KAT14: variants seen among roughly 807,000 people sequenced by gnomAD.
KAT14 encodes the protein lysine acetyltransferase 14.
In KAT14, 66 loss-of-function variants were observed where a neutral mutation model predicts 78.4. The observed-to-expected ratio is 0.84, with a 90% CI of 0.69 to 1.03. The LOEUF is 1.03. Among genes scored for constraint, KAT14 ranks in the 50% least tolerant of loss-of-function variants. The pLI is 0.00. For synonymous variants in KAT14, 344 were observed against 359.4 expected (o/e 0.96, Z 0.48); for missense variants, 870 against 972.5 (o/e 0.89, Z 1.40).
intron 7 of KAT14, among the ~76,000 whole-genome samples, chr20:18,173,303 G>T (rs139420548): frequency 3.9e-5 from 6 of 152,330 alleles, no homozygotes; most frequent in Non-Finnish European, 8.8e-5. Flanking sequence ...GGGCTTTCCC[G>T]CCTTGATGCT....
Position 18,184,926 on chromosome 20 carries a change from G to C in KAT14, c.2172+134G>C, listed in dbSNP as rs114756243. On this transcript the variant is annotated intron_variant, in intron 10 of 10. Transcript: ENST00000688188. ...TTTCCTTGTAAACCAAGTGAAGAAA[G>C]CCAGTCATCAGCATTCATGAGGTTA... 5.7e-3 allele frequency: 5,326 copies of C among 934,266 alleles called. 230 individuals carry two copies. The African/African-American group carries it at 0.083, about 15-fold the overall frequency. The allele number at this position is 934,266 out of a possible 1,614,324, so 57.9% of individuals were successfully genotyped here.
chr20:18,170,986 A>T (rs1371070258), intron 7 of KAT14, among the ~76,000 whole-genome samples: 2 of 152,250 alleles, frequency 1.3e-5, no homozygotes, highest in Non-Finnish European at 2.9e-5. Flanking sequence ...AGTAATTTTG[A>T]CTTTCAAGTC....
intron 7 of KAT14, among the ~76,000 whole-genome samples, chr20:18,168,587 C>T (rs2038742451): frequency 6.6e-6 from 1 of 152,018 alleles, no homozygotes; most frequent in African/African-American, 2.4e-5. Flanking sequence ...TTTATTCTCC[C>T]ATCTCCTAAA....
intron 9 of KAT14, among the ~76,000 whole-genome samples, chr20:18,184,333 C>G (rs1240129012): frequency 6.6e-5 from 10 of 152,156 alleles, no homozygotes. Context: ...AGTTCAAAGC[C>G]AGCTGTGTCC....
Position 18,162,408 on chromosome 20 carries a change from A to G in KAT14, c.1131A>G (p.Ile377Met), listed in dbSNP as rs769620752. The part of the protein sequence containing the change: ...DDDEMEGDGV[I>M]DPGMEYVPPP... ...ATGAGATGGAAGGCGATGGAGTCAT[A>G]GACCCAGGGATGGAGTACGTCCCAC... The change falls in exon 7 of 11, where the codon ATA (isoleucine) becomes ATG (methionine). Residue 377 changes from isoleucine to methionine, a missense_variant. By Grantham distance (10) the Ile-to-Met change is conservative (BLOSUM62 1). Transcript: ENST00000688188. 2.5e-6 allele frequency: 4 copies of G among 1,613,670 alleles called. No individual in the cohort carries two copies. The African/African-American group carries it at 4.0e-5, about 16-fold the overall frequency.
chr20:18,161,420 A>G (rs545914684), intron 5 of KAT14, among the ~76,000 whole-genome samples: 3 of 152,254 alleles, frequency 2.0e-5, no homozygotes, highest in South Asian at 4.1e-4. Flanking sequence ...AATTTGCAGT[A>G]TAACTTCTTT....
Position 18,150,946 on chromosome 20 carries a change from A to C in KAT14, c.500+4A>C, listed in dbSNP as rs1241102009. ...GGACTTTTTTACTAGGGAATAGGTA[A>C]TGTGTTTTTAAAAAATCTTATACTT... On this transcript the variant is annotated splice_donor_region_variant and intron_variant, in intron 4 of 10. Coordinates refer to ENST00000688188, the MANE Select transcript of KAT14 (RefSeq NM_001392073.1). 1 of 1,613,466 alleles carries C rather than the reference A, an allele frequency of 6.2e-7. No individual in the cohort carries two copies. The highest frequency in any genetic ancestry group is 1.7e-5 in the Admixed American group (1 of 59,942).
Position 18,159,083 on chromosome 20 carries a change from G to A in KAT14, c.501-1G>A. 6.3e-7 allele frequency: 1 copy of A among 1,594,998 alleles called. No individual in the cohort carries two copies. ...CATTTTTAAATTCTTGGACTCTTTAGGAAAAAGACGTCTACCTGGTGGAGC... is the reference window on the plus strand; with the variant it reads ...CATTTTTAAATTCTTGGACTCTTTAAGAAAAAGACGTCTACCTGGTGGAGC... On this transcript the variant is annotated splice_acceptor_variant, in intron 4 of 10. Coordinates refer to ENST00000688188, the MANE Select transcript of KAT14 (RefSeq NM_001392073.1). LOFTEE classifies it high-confidence loss of function.
chr20:18,140,928 G>C (rs981414981), intron 1 of KAT14, among the ~76,000 whole-genome samples: 5 of 148,766 alleles, frequency 3.4e-5, no homozygotes, highest in Admixed American at 6.7e-5. Flanking sequence ...CACAATCTTA[G>C]CTCACTGCAG....
chr20:18,137,960 C>G lies in KAT14; in HGVS notation c.-545C>G, dbSNP rs1207079914. On this transcript the variant is annotated 5_prime_UTR_variant, in exon 1 of 11. Transcript: ENST00000688188. ...GCCGCGGCCGCCAGCGTGGGGATGTCTAGGAGCTCGAAGGTGGTGCTGGGC... is the reference window on the plus strand; with the variant it reads ...GCCGCGGCCGCCAGCGTGGGGATGTGTAGGAGCTCGAAGGTGGTGCTGGGC... 2 of 1,493,684 alleles carry G rather than the reference C, an allele frequency of 1.3e-6. No homozygotes were observed. The highest frequency in any genetic ancestry group is 4.5e-5 in the Admixed American group (2 of 44,578). 92.5% of individuals were successfully genotyped at this position (1,493,684 alleles called of 1,614,324 possible). A position where few individuals can be genotyped will look rare whatever the true frequency, so the allele number is the denominator to read the frequency against.
chr20:18,170,201 A>G (rs1416506947), intron 7 of KAT14, among the ~76,000 whole-genome samples: 1 of 152,228 alleles, frequency 6.6e-6, no homozygotes, highest in African/African-American at 2.4e-5. Context: ...AAGTGGCTAC[A>G]CTAAGCAAGA....
intron 7 of KAT14, among the ~76,000 whole-genome samples, chr20:18,166,732 C>T (rs1019882253): frequency 2.6e-5 from 4 of 152,108 alleles, no homozygotes; most frequent in Non-Finnish European, 5.9e-5. Flanking sequence ...TTCCTGTGGC[C>T]CATCTTTACC....
At chr20:18,145,143 A>G (rs2037777356) in intron 2 of KAT14, 90 bp from the exon 3 acceptor site, 1 of 1,489,314 alleles carries the variant, frequency 6.7e-7, no homozygotes, top group Non-Finnish European at 8.9e-7. Flanking sequence ...ACAACATGGG[A>G]AAGGAAAATC....
intron 7 of KAT14, among the ~76,000 whole-genome samples, chr20:18,167,589 A>G (rs1306599681): frequency 6.6e-6 from 1 of 152,134 alleles, no homozygotes; most frequent in African/African-American, 2.4e-5. Flanking sequence ...GACTTTTGAA[A>G]TGATGTGATT....
intron 9 of KAT14, 35 bp from the exon 10 acceptor site, chr20:18,184,567 T>C (rs1198835792): frequency 6.4e-7 from 1 of 1,572,292 alleles, no homozygotes; most frequent in Non-Finnish European, 8.6e-7. Context: ...CTCAAAGGCA[T>C]GTGGTTTGAG....
intron 7 of KAT14, among the ~76,000 whole-genome samples, chr20:18,167,870 A>C (rs2038699758): frequency 6.9e-6 from 1 of 145,720 alleles, no homozygotes; most frequent in African/African-American, 2.6e-5. Flanking sequence ...TCTTTTTTTA[A>C]TATCATGTGG....
intron 10 of KAT14, 25 bp downstream of exon 10, chr20:18,184,817 A>C: frequency 1.3e-6 from 2 of 1,583,918 alleles, no homozygotes; most frequent in Non-Finnish European, 1.7e-6. Context: ...TTTATGATTT[A>C]TCACCTGTGT....
chr20:18,138,048 GC>G lies in KAT14; in HGVS notation c.-456del. 1 of 1,483,484 alleles carries G rather than the reference GC, an allele frequency of 6.7e-7. No individual in the cohort carries two copies. Among genetic ancestry groups the G allele is most frequent in the Non-Finnish European group, 8.9e-7 (1 of 1,123,370 alleles). The allele number at this position is 1,483,484 out of a possible 1,614,324, so 91.9% of individuals were successfully genotyped here. ...TACATGTGAAGCAGCAGTGGGACCA[GC>G]AGGTCGGTGTCACGTGACCGTCTCT... On this transcript the variant is annotated splice_region_variant and 5_prime_UTR_variant, in exon 1 of 11. It introduces an in-frame stop codon into an upstream open reading frame of the 5' UTR. Coordinates refer to ENST00000688188, the MANE Select transcript of KAT14 (RefSeq NM_001392073.1).
chr20:18,142,817 G>A lies in KAT14; in HGVS notation c.157G>A (p.Asp53Asn), dbSNP rs760131098. 8 of 1,614,184 alleles carry A rather than the reference G, an allele frequency of 5.0e-6. No homozygotes were observed. In the East Asian group the frequency reaches 6.7e-5, roughly 13 times the overall value. ...TCAGGCATCAGTGGACTTATCGCACGACCAGAGTGGGGATTCCCTCAACAG... is the reference window on the plus strand; with the variant it reads ...TCAGGCATCAGTGGACTTATCGCACAACCAGAGTGGGGATTCCCTCAACAG... ...EDQASVDLSH[D>N]QSGDSLNSDE... Residue 53 changes from aspartate (D) to asparagine (N), a missense_variant, in exon 2 of 11, where the codon GAC (aspartate) becomes AAC (asparagine). Coordinates refer to ENST00000688188, the MANE Select transcript of KAT14 (RefSeq NM_001392073.1).
Sources: allele counts gnomAD v4.1 joint callset (sites outside exome capture counted in the v4.1 genomes callset), GRCh38; gene constraint gnomAD v4.1.1; transcripts MANE v1.5; gene names NCBI Gene and HGNC (gene_info 2026-07-23, HGNC 2026-07-21).